Variants in DNAJA1 observed in about 807,000 individuals in gnomAD.
DNAJA1 encodes the protein DnaJ heat shock protein family (Hsp40) member A1, also known as dnaJ homolog subfamily A member 1.
DNAJA1 carries 26 observed loss-of-function variants against 47.6 expected under a neutral mutation model. The ratio of observed to expected loss-of-function variants is 0.55; its 90% CI spans 0.40 to 0.76. The LOEUF is 0.76. Ranked by LOEUF, DNAJA1 falls within the 30% of genes least tolerant of loss-of-function variation. The pLI is 0.00. For missense variants in DNAJA1, 315 were observed against 485.0 expected, an observed-to-expected ratio of 0.65 and a Z score of 3.29; for synonymous variants, 165 against 158.4, an observed-to-expected ratio of 1.04 and a Z score of -0.31.
intron 3 of DNAJA1, among the ~76,000 whole-genome samples, chr9:33,027,912 TACTC>T (rs1337718078): frequency 2.7e-5 from 4 of 150,776 alleles, no homozygotes; most frequent in Non-Finnish European, 4.4e-5. Flanking sequence ...TAATCCCAGT[TACTC>T]AGGAGGGCTG....
chr9:33,031,085 G>A (rs10971346), intron 5 of DNAJA1, among the ~76,000 whole-genome samples: 1 of 152,138 alleles, frequency 6.6e-6, no homozygotes, highest in Non-Finnish European at 1.5e-5. Flanking sequence ...GAAGAATTGG[G>A]TCTCATAAAA....
chr9:33,036,554 A>G lies in DNAJA1; in HGVS notation c.759-20A>G, dbSNP rs760857701. ...GATTCGTGATTTGAAAAATATAAAT[A>G]TGTGTCATATTTTATGCAGACGAGG... On this transcript the variant is annotated intron_variant, in intron 6 of 8. Transcript: ENST00000330899. 2.0e-6 allele frequency: 3 copies of G among 1,502,002 alleles called. No individual in the cohort carries two copies. In the African/African-American group the frequency reaches 4.2e-5, roughly 21 times the overall value. The allele number at this position is 1,502,002 out of a possible 1,614,324, so 93.0% of individuals were successfully genotyped here. A position where few individuals can be genotyped will look rare whatever the true frequency, so the allele number is the denominator to read the frequency against.
chr9:33,031,174 G>A (rs1334431978), intron 5 of DNAJA1, among the ~76,000 whole-genome samples: 1 of 152,160 alleles, frequency 6.6e-6, no homozygotes, highest in Non-Finnish European at 1.5e-5. Flanking sequence ...TCAGCTCATT[G>A]CAACCTCTGC....
At chr9:33,034,156 T>C in intron 5 of DNAJA1, 60 bp from the exon 6 acceptor site, 1 of 1,198,992 alleles carries the variant, frequency 8.3e-7, no homozygotes, top group Non-Finnish European at 1.2e-6. Flanking sequence ...GTATAGATTT[T>C]ATGATTCTGA....
intron 3 of DNAJA1, among the ~76,000 whole-genome samples, chr9:33,029,102 G>A (rs1225558666): frequency 2.6e-5 from 4 of 152,106 alleles, no homozygotes. Context: ...GTGAAGTAAG[G>A]CACTCCTTAG....
chr9:33,028,753 C>G (rs775618566), intron 3 of DNAJA1, among the ~76,000 whole-genome samples: 24 of 152,246 alleles, frequency 1.6e-4, no homozygotes, highest in South Asian at 1.5e-3. Context: ...TCATCAAGCT[C>G]TAGAAGCTTT....
chr9:33,029,499 C>T (rs923824612), intron 3 of DNAJA1, among the ~76,000 whole-genome samples: 2 of 152,202 alleles, frequency 1.3e-5, no homozygotes, highest in Admixed American at 6.5e-5. Context: ...TTGCTCAATA[C>T]GGTACGAAGT....
Position 33,030,449 on chromosome 9 carries a change from G to T in DNAJA1, c.425G>T (p.Gly142Val). 6.2e-7 allele frequency: 1 copy of T among 1,612,156 alleles called. No homozygotes were observed. The highest frequency in any genetic ancestry group is 8.5e-7 in the Non-Finnish European group (1 of 1,179,648). Residue 142 changes from glycine (G) to valine (V), a missense_variant, in exon 5 of 9, where the codon GGT (glycine) becomes GTT (valine). By Grantham distance (109) the Gly-to-Val change is moderately radical. This residue lies in a region of DNAJA1 where 100 missense variants were observed against 163.0 expected (regional missense o/e 0.61). Transcript: ENST00000330899. ...TTCTTTTTAAATTTAGGTAGAGGAG[G>T]TAAGAAAGGAGCAGTAGAGTGCTGT... ...VICDKCEGRG[G>V]KKGAVECCPN...
At chr9:33,033,196 C>G (rs1470179763) in intron 5 of DNAJA1, among the ~76,000 whole-genome samples, 1 of 148,958 alleles carries the variant, frequency 6.7e-6, no homozygotes, top group Non-Finnish European at 1.5e-5. Context: ...GTTTTTTTGC[C>G]CTGTTAGAAA....
intron 3 of DNAJA1, among the ~76,000 whole-genome samples, chr9:33,029,494 C>T (rs1042436744): frequency 1.3e-5 from 2 of 152,178 alleles, no homozygotes; most frequent in Non-Finnish European, 2.9e-5. Context: ...CCATGTTGCT[C>T]AATACGGTAC....
chr9:33,032,618 T>G (rs554681064), intron 5 of DNAJA1, among the ~76,000 whole-genome samples: 1 of 152,298 alleles, frequency 6.6e-6, no homozygotes, highest in East Asian at 1.9e-4. Flanking sequence ...AGTGAAGGCA[T>G]TTGTGCTGTG....
At chr9:33,025,724 C>T (rs561550926) in intron 1 of DNAJA1, among the ~76,000 whole-genome samples, 6 of 152,164 alleles carry the variant, frequency 3.9e-5, no homozygotes, top group East Asian at 2.0e-4. Flanking sequence ...GGTTGGCGAC[C>T]CTGCGCACGC....
intron 5 of DNAJA1, among the ~76,000 whole-genome samples, chr9:33,032,395 C>T (rs568901556): frequency 6.6e-6 from 1 of 152,308 alleles, no homozygotes; most frequent in Non-Finnish European, 1.5e-5. Flanking sequence ...TAAGTCTTAA[C>T]GTTGTTGATA....
At chr9:33,027,432 AC>A (rs754390257) in intron 3 of DNAJA1, among the ~76,000 whole-genome samples, 1 of 151,982 alleles carries the variant, frequency 6.6e-6, no homozygotes, top group East Asian at 2.0e-4. Context: ...TGCTGGGATT[AC>A]AGGTGTGAGC....
rs1587701991 is a variant in DNAJA1, at chr9:33,039,058, T to C, written c.*155T>C. On this transcript the variant is annotated 3_prime_UTR_variant, in exon 9 of 9. Transcript: ENST00000330899. ...GTTAAATGAAGAATAAACGCAAATA[T>C]AAAAGCTCTGATTTTGCCCTGTATG... 1.3e-6 allele frequency: 1 copy of C among 744,636 alleles called. No homozygotes were observed. The highest frequency in any genetic ancestry group is 2.1e-6 in the Non-Finnish European group (1 of 468,282). 46.1% of individuals were successfully genotyped at this position (744,636 alleles called of 1,614,324 possible).
rs538681491 is a variant in DNAJA1 at position 33,031,438 on chromosome 9, T to G, written c.643+771T>G. ...AACCAATGGGCATGTTTTTGTTTGT[T>G]TGTTTTTTTCTGAGGTAGAGTCTTG... On this transcript the variant is annotated intron_variant, in intron 5 of 8. Transcript: ENST00000330899. Among the ~76,000 whole-genome samples the G allele has an allele frequency of 4.4e-3, 673 of 152,176 alleles. 8 individuals carry two copies. Among genetic ancestry groups the G allele is most frequent in the African/African-American group, 0.016 (645 of 41,518 alleles).
chr9:33,026,979 G>C lies in DNAJA1; in HGVS notation c.299G>C (p.Arg100Thr). The change falls in exon 3 of 9, where the codon AGA becomes ACA. Residue 100 changes from arginine (R) to threonine (T), a missense_variant. Physicochemically the swap from Arg to Thr is moderately conservative, Grantham distance 71. Coordinates refer to ENST00000330899, the MANE Select transcript of DNAJA1 (RefSeq NM_001539.4). Reference sequence around the variant, plus strand: ...TTTGGAGGAGGAGGAAGGATGCAGAGAGAAAGGAGAGGTAAGAAGAATCTA... The same window carrying C: ...TTTGGAGGAGGAGGAAGGATGCAGACAGAAAGGAGAGGTAAGAAGAATCTA... ...MFFGGGGRMQ[R>T]ERRGKNVVHQ... is the part of the protein sequence containing the mutation. 6.2e-7 allele frequency: 1 copy of C among 1,614,156 alleles called. No individual in the cohort carries two copies. The highest frequency in any genetic ancestry group is 8.5e-7 in the Non-Finnish European group (1 of 1,180,034).
At position 33,033,415 on chromosome 9, in the gene DNAJA1, G is replaced by A. The variant is rs7859431; in HGVS notation, c.644-801G>A. On this transcript the variant is annotated intron_variant, in intron 5 of 8. Transcript: ENST00000330899. The stretch of plus-strand genomic sequence containing the variant: ...TATACTGAATAGTTCTTTAAAATAC[G>A]GATTTTCAGGCACAGGGGCTCAGGT... 2.0e-3 allele frequency among the ~76,000 whole-genome samples: 298 copies of A among 152,006 alleles called. 1 individual carries two copies. Among genetic ancestry groups the A allele is most frequent in the African/African-American group, 5.6e-3 (232 of 41,448 alleles).
At chr9:33,027,044 C>T in intron 3 of DNAJA1, 54 bp downstream of exon 3, 1 of 1,595,928 alleles carries the variant, frequency 6.3e-7, no homozygotes, top group Non-Finnish European at 8.5e-7. Context: ...TTGGTCAGAG[C>T]AGATCTTTGA....
Sources: allele counts gnomAD v4.1 joint callset (sites outside exome capture counted in the v4.1 genomes callset), GRCh38; gene constraint gnomAD v4.1.1; regional missense constraint gnomAD v4.1.1; transcripts MANE v1.5; gene names NCBI Gene and HGNC (gene_info 2026-07-23, HGNC 2026-07-21).